CCDC63: variants seen among roughly 807,000 people sequenced by gnomAD.
The protein encoded by CCDC63 is coiled-coil domain-containing protein 63.
In CCDC63, 54 loss-of-function variants were observed where a neutral mutation model predicts 63.6. The ratio of observed to expected loss-of-function variants is 0.85; its 90% CI spans 0.68 to 1.07. The LOEUF (loss-of-function observed/expected upper bound fraction) is 1.07. CCDC63 is among the 50% of genes least tolerant of loss of function. The pLI is 0.00. For missense variants in CCDC63, 637 were observed against 689.6 expected, an observed-to-expected ratio of 0.92 and a Z score of 0.86; for synonymous variants, 253 against 266.1, an observed-to-expected ratio of 0.95 and a Z score of 0.48.
In CCDC63 at chr12:110,898,983, C is replaced by T. The variant is rs141258896; in HGVS notation, c.1200C>T (p.Tyr400=). 2.2e-5 allele frequency: 36 copies of T among 1,612,562 alleles called. No homozygotes were observed. In the African/African-American group the frequency reaches 4.0e-4, roughly 18 times the overall value. ...AGGCAGATATGTATGAGAGCAAGTA[C>T]GGGGAGGTCAGCAAGACCTTGGATC... ...TEEADMYESK[Y]GEVSKTLDLL... is the part of the protein sequence containing the mutation. The change falls in exon 10 of 12, where the codon TAC becomes TAT. Residue 400 remains tyrosine (Y), a synonymous_variant. Coordinates refer to ENST00000308208, the MANE Select transcript of CCDC63 (RefSeq NM_152591.3).
At chr12:110,878,564 C>T (rs2071161715) in intron 5 of CCDC63, among the ~76,000 whole-genome samples, 1 of 152,216 alleles carries the variant, frequency 6.6e-6, no homozygotes, top group Non-Finnish European at 1.5e-5. Flanking sequence ...ATCCACCCGC[C>T]TTGGCCTCCC....
intron 10 of CCDC63, among the ~76,000 whole-genome samples, chr12:110,899,480 G>A (rs1019699154): frequency 6.6e-6 from 1 of 151,860 alleles, no homozygotes; most frequent in Non-Finnish European, 1.5e-5. Context: ...CACCATACAC[G>A]GCTGATTTTT....
At chr12:110,858,483 A>G in intron 3 of CCDC63, 103 bp from the exon 4 acceptor site, 1 of 997,110 alleles carries the variant, frequency 1.0e-6, no homozygotes, top group Non-Finnish European at 1.5e-6. Context: ...CTCAGGTGGG[A>G]AATTCCTCTC....
chr12:110,897,438 A>G (rs1217056286), intron 9 of CCDC63, among the ~76,000 whole-genome samples: 2 of 151,820 alleles, frequency 1.3e-5, no homozygotes, highest in African/African-American at 4.8e-5. Context: ...ATTAAAAAAA[A>G]ACCCAAAAAC....
chr12:110,846,769 G>C (rs963767717), upstream of CCDC63: 1 of 152,234 alleles, frequency 6.6e-6, no homozygotes, highest in African/African-American at 2.4e-5. Context: ...GTCACTTAGC[G>C]TCATGAGGGT....
intron 9 of CCDC63, 83 bp downstream of exon 9, chr12:110,893,233 C>T (rs1049431052): frequency 4.7e-5 from 53 of 1,138,650 alleles, no homozygotes; most frequent in Non-Finnish European, 5.9e-5. Flanking sequence ...TCTGTCTGTC[C>T]GTCGGGCATC....
intron 4 of CCDC63, among the ~76,000 whole-genome samples, chr12:110,868,137 G>C (rs1439646393): frequency 6.7e-6 from 1 of 148,878 alleles, no homozygotes; most frequent in Non-Finnish European, 1.5e-5. Context: ...GACGATGGGC[G>C]GCCGGGCAGA....
In CCDC63 at chr12:110,884,102, G is replaced by C. The variant is rs140815443; in HGVS notation, c.926G>C (p.Arg309Pro). The C allele has an allele frequency of 1.2e-6, 2 of 1,614,116 alleles. No homozygotes were observed. Among genetic ancestry groups the C allele is most frequent in the South Asian group, 2.2e-5 (2 of 91,076 alleles). Reference protein sequence around the residue: ...SFESYEVAHLRLLKLAESGNL... With the variant: ...SFESYEVAHLPLLKLAESGNL... Reference sequence around the variant, plus strand: ...GAGAGCTATGAGGTGGCCCACCTCCGGCTGCTGAAGCTGGCTGAGAGTGGG... The same window carrying C: ...GAGAGCTATGAGGTGGCCCACCTCCCGCTGCTGAAGCTGGCTGAGAGTGGG... Residue 309 changes from arginine to proline, a missense_variant, in exon 8 of 12, where the codon CGG becomes CCG. Arg to Pro is a moderately radical substitution (Grantham distance 103). Transcript: ENST00000308208.
intron 3 of CCDC63, among the ~76,000 whole-genome samples, chr12:110,857,263 T>C (rs111382887): frequency 0.03 from 4,571 of 151,812 alleles, 193 homozygotes; most frequent in African/African-American, 0.095. Context: ...GTAGCTAGGA[T>C]TACAGGCGCC....
At chr12:110,905,303 C>T (rs1011630479) in intron 11 of CCDC63, among the ~76,000 whole-genome samples, 1 of 152,016 alleles carries the variant, frequency 6.6e-6, no homozygotes, top group Admixed American at 6.6e-5. Flanking sequence ...ATGCCAGAAG[C>T]GAAATGGTCA....
chr12:110,864,816 A>G (rs1217296133), intron 4 of CCDC63, among the ~76,000 whole-genome samples: 39 of 152,182 alleles, frequency 2.6e-4, no homozygotes, highest in Admixed American at 2.6e-3. Flanking sequence ...ATGACTGGTA[A>G]TAAGGAAATG....
Position 110,853,568 on chromosome 12 carries a change from G to T in CCDC63, c.173G>T (p.Ser58Ile). 1 of 1,614,204 alleles carries T rather than the reference G, an allele frequency of 6.2e-7. No individual in the cohort carries two copies. The highest frequency in any genetic ancestry group is 1.1e-5 in the South Asian group (1 of 91,076). Residue 58 changes from serine (S) to isoleucine (I), a missense_variant, in exon 3 of 12, where the codon AGT becomes ATT. By Grantham distance (142) the Ser-to-Ile change is moderately radical. Transcript: ENST00000308208. Reference sequence around the variant, plus strand: ...TTCCGAAACCAGCAGAAGATTGCGAGTCAGTAGTAAGTGATGGTTGGAGTT... The same window carrying T: ...TTCCGAAACCAGCAGAAGATTGCGATTCAGTAGTAAGTGATGGTTGGAGTT... ...FKFRNQQKIA[S>I]QYKEIKTLKT...
intron 4 of CCDC63, among the ~76,000 whole-genome samples, chr12:110,867,165 G>A (rs2070968209): frequency 7.0e-6 from 1 of 142,316 alleles, no homozygotes; most frequent in African/African-American, 2.6e-5. Flanking sequence ...GCGGCTGGCC[G>A]GGCGGGGGGC....
chr12:110,902,014 A>G (rs2071494609), intron 10 of CCDC63, among the ~76,000 whole-genome samples: 1 of 152,092 alleles, frequency 6.6e-6, no homozygotes, highest in Non-Finnish European at 1.5e-5. Flanking sequence ...TATGTTTAAT[A>G]GAGATGGGGT....
chr12:110,894,478 T>C (rs2071393574), intron 9 of CCDC63, among the ~76,000 whole-genome samples: 1 of 152,170 alleles, frequency 6.6e-6, no homozygotes, highest in Non-Finnish European at 1.5e-5. Flanking sequence ...TGCGGCTGTT[T>C]TCTGCTTTTT....
Position 110,894,738 on chromosome 12 carries a change from T to C in CCDC63, c.1149+1588T>C, listed in dbSNP as rs553383367. On this transcript the variant is annotated intron_variant, in intron 9 of 11. Transcript: ENST00000308208. ...CCCAGAATCCAGACTCTTGTTGAGGTTGAGACTGGCGCCCCTCTACATCTT... is the reference window on the plus strand; with the variant it reads ...CCCAGAATCCAGACTCTTGTTGAGGCTGAGACTGGCGCCCCTCTACATCTT... Among the ~76,000 whole-genome samples, 346 of 152,204 alleles carry C rather than the reference T, an allele frequency of 2.3e-3. 2 individuals are homozygous for C. The highest frequency in any genetic ancestry group is 8.0e-3 in the African/African-American group (331 of 41,548).
In CCDC63 at chr12:110,884,133, A is replaced by G; in HGVS notation, c.957A>G (p.Leu319=). 6.2e-7 allele frequency: 1 copy of G among 1,614,178 alleles called. No individual in the cohort carries two copies. Among genetic ancestry groups the G allele is most frequent in the Non-Finnish European group, 8.5e-7 (1 of 1,180,018 alleles). ...RLLKLAESGN[L]NQLIEDFLAK... is the part of the protein sequence containing the mutation. The stretch of plus-strand genomic sequence containing the variant: ...TGAAGCTGGCTGAGAGTGGGAACCT[A>G]AACCAGCTCATTGAAGATTTTCTGG... Residue 319 remains leucine (L), a synonymous_variant, in exon 8 of 12, where the codon CTA becomes CTG. Transcript: ENST00000308208.
chr12:110,844,735 C>G (rs2070620832), upstream of CCDC63, among the ~76,000 whole-genome samples: 1 of 152,064 alleles, frequency 6.6e-6, no homozygotes, highest in South Asian at 2.1e-4. Context: ...CTCAACTGCT[C>G]CTGGTTACAT....
chr12:110,883,902 A>G, intron 7 of CCDC63, 128 bp from the exon 8 acceptor site: 3 of 751,904 alleles, frequency 4.0e-6, no homozygotes, highest in East Asian at 2.5e-5. Flanking sequence ...GGCTTCCCAA[A>G]GTGTTGGGAT....
Sources: allele counts gnomAD v4.1 joint callset (sites outside exome capture counted in the v4.1 genomes callset), GRCh38; gene constraint gnomAD v4.1.1; transcripts MANE v1.5; gene names NCBI Gene and HGNC (gene_info 2026-07-23, HGNC 2026-07-21).